GLI2: variants seen among roughly 807,000 people sequenced by gnomAD.
The protein encoded by GLI2 is transcription activator GLI2.
A neutral mutation model predicts 78.9 loss-of-function variants in GLI2; 22 were observed. The ratio of observed to expected loss-of-function variants is 0.28; its 90% CI spans 0.20 to 0.40. The LOEUF (loss-of-function observed/expected upper bound fraction) is 0.40. Among genes scored for constraint, GLI2 ranks in the 10% least tolerant of loss-of-function variants. The pLI is 1.00. For synonymous variants in GLI2, 974 were observed against 963.7 expected (o/e 1.01, Z -0.20); for missense variants, 2,097 against 2,213.2 (o/e 0.95, Z 1.05).
rs112474343 is a variant in GLI2 at position 120,983,946 on chromosome 2, G to GGGTGTGT, written c.1633-524_1633-523insGTGTGTG. On this transcript the variant is annotated intron_variant, in intron 11 of 13. Coordinates refer to ENST00000361492, the MANE Select transcript of GLI2 (RefSeq NM_001374353.1). ...GTTTTTCTGTAGACGTGGTGTGTGGGGTGTGTGTGTGTGTGTGTGTGTGTG... is the reference window on the plus strand; with the variant it reads ...GTTTTTCTGTAGACGTGGTGTGTGGGGGTGTGTGTGTGTGTGTGTGTGTGTGTGTGTG... Among the ~76,000 whole-genome samples the GGGTGTGT allele has an allele frequency of 8.8e-3, 1,253 of 143,190 alleles. 9 individuals are homozygous for GGGTGTGT. Among genetic ancestry groups the GGGTGTGT allele is most frequent in the East Asian group, 0.035 (164 of 4,738 alleles). The allele number at this position is 143,190 out of a possible 152,430, so 93.9% of individuals were successfully genotyped here. A position where few individuals can be genotyped will look rare whatever the true frequency, so the allele number is the denominator to read the frequency against.
intron 2 of GLI2, among the ~76,000 whole-genome samples, chr2:120,902,431 AAC>A (rs1338921210): frequency 6.6e-6 from 1 of 152,146 alleles, no homozygotes; most frequent in East Asian, 1.9e-4. Context: ...TGGGAGGGGA[AAC>A]AGTCCCTTCA....
chr2:120,881,291 C>T (rs1360180989), intron 2 of GLI2, among the ~76,000 whole-genome samples: 1 of 152,200 alleles, frequency 6.6e-6, no homozygotes, highest in African/African-American at 2.4e-5. Context: ...TTGTGAAAGG[C>T]CTGGCCCCCT....
chr2:120,923,635 A>T (rs930946662), intron 2 of GLI2, among the ~76,000 whole-genome samples: 1 of 152,146 alleles, frequency 6.6e-6, no homozygotes, highest in Admixed American at 6.5e-5. Flanking sequence ...ACATGCACAT[A>T]CACAGCAACG....
intron 1 of GLI2, among the ~76,000 whole-genome samples, chr2:120,778,331 C>T (rs1683742635): frequency 6.6e-6 from 1 of 152,174 alleles, no homozygotes; most frequent in Admixed American, 6.5e-5. Context: ...TCGACGTTAG[C>T]TCCTCACAGC....
intron 2 of GLI2, among the ~76,000 whole-genome samples, chr2:120,924,458 C>T (rs1371998294): frequency 6.6e-6 from 1 of 152,020 alleles, no homozygotes; most frequent in Non-Finnish European, 1.5e-5. Flanking sequence ...TCATTCTTGG[C>T]TTCCGTTTCC....
chr2:120,783,877 A>G (rs549239078), intron 1 of GLI2, among the ~76,000 whole-genome samples: 1 of 152,344 alleles, frequency 6.6e-6, no homozygotes, highest in South Asian at 2.1e-4. Context: ...GCTTCAAAGA[A>G]GTGACTGTCC....
At chr2:120,869,834 C>T (rs59942167) in intron 2 of GLI2, among the ~76,000 whole-genome samples, 2,864 of 152,156 alleles carry the variant, frequency 0.019, 99 homozygotes, top group African/African-American at 0.065. Flanking sequence ...TCAAAGGACA[C>T]CCCCTCCTGA....
intron 2 of GLI2, among the ~76,000 whole-genome samples, chr2:120,896,460 G>A (rs955090875): frequency 6.6e-6 from 1 of 152,152 alleles, no homozygotes; most frequent in African/African-American, 2.4e-5. Context: ...CTGGGGTGGG[G>A]GGGTATTGAC....
chr2:120,742,608 T>G (rs2104622676), intron 1 of GLI2, among the ~76,000 whole-genome samples: 1 of 151,038 alleles, frequency 6.6e-6, no homozygotes, highest in Admixed American at 6.6e-5. Context: ...TTATTCATTT[T>G]CCGAGGTGCC....
intron 2 of GLI2, among the ~76,000 whole-genome samples, chr2:120,807,609 G>A (rs1433710054): frequency 6.6e-6 from 1 of 152,212 alleles, no homozygotes; most frequent in African/African-American, 2.4e-5. Flanking sequence ...CATGGGCAAA[G>A]GTCCTGGGGT....
chr2:120,786,397 C>T (rs1683998243), intron 1 of GLI2, among the ~76,000 whole-genome samples: 3 of 152,136 alleles, frequency 2.0e-5, no homozygotes, highest in African/African-American at 7.2e-5. Context: ...TGTTTGGGTC[C>T]TAATTGGAAG....
At chr2:120,936,422 C>T (rs1449218000) in intron 3 of GLI2, among the ~76,000 whole-genome samples, 1 of 152,162 alleles carries the variant, frequency 6.6e-6, no homozygotes, top group Admixed American at 6.5e-5. Flanking sequence ...CTATTCAGTC[C>T]TCCCAACACC....
intron 2 of GLI2, among the ~76,000 whole-genome samples, chr2:120,842,500 A>G (rs1686936093): frequency 6.6e-6 from 1 of 152,110 alleles, no homozygotes; most frequent in Non-Finnish European, 1.5e-5. Context: ...GGATATTTAG[A>G]TTTCCAATCT....
chr2:120,826,969 G>A (rs562159315), intron 2 of GLI2, among the ~76,000 whole-genome samples: 50 of 152,246 alleles, frequency 3.3e-4, no homozygotes, highest in East Asian at 1.4e-3. Context: ...GGCGGCTCCC[G>A]GGACAAGTGG....
intron 3 of GLI2, among the ~76,000 whole-genome samples, chr2:120,943,496 C>T (rs892778513): frequency 2.1e-4 from 32 of 152,314 alleles, no homozygotes; most frequent in Non-Finnish European, 1.9e-4. Context: ...TTTGTAGGCT[C>T]ATATCCCCAA....
chr2:120,772,292 T>A (rs888636612), intron 1 of GLI2, among the ~76,000 whole-genome samples: 1 of 152,184 alleles, frequency 6.6e-6, no homozygotes, highest in African/African-American at 2.4e-5. Flanking sequence ...GTCTCCTTTC[T>A]CTGAGGAGCC....
At chr2:120,894,580 G>A (rs1397215072) in intron 2 of GLI2, among the ~76,000 whole-genome samples, 1 of 151,136 alleles carries the variant, frequency 6.6e-6, no homozygotes, top group Non-Finnish European at 1.5e-5. Context: ...TGTCCTTGAG[G>A]ACCACAAATG....
chr2:120,799,609 C>T (rs1684590813), intron 2 of GLI2, among the ~76,000 whole-genome samples: 2 of 152,172 alleles, frequency 1.3e-5, no homozygotes, highest in Admixed American at 6.5e-5. Flanking sequence ...CGGCTGCATT[C>T]GTGGATGGGA....
At chr2:120,841,990 T>A (rs538928520) in intron 2 of GLI2, among the ~76,000 whole-genome samples, 42 of 148,888 alleles carry the variant, frequency 2.8e-4, no homozygotes, top group South Asian at 2.8e-3. Context: ...AAGTTTTTTT[T>A]AAAATTTTAT....
Sources: gnomAD v4.1 joint callset for allele counts (sites outside exome capture counted in the v4.1 genomes callset) on GRCh38, gnomAD v4.1.1 for gene constraint, MANE v1.5 for transcripts, NCBI Gene and HGNC (gene_info 2026-07-23, HGNC 2026-07-21) for gene names.